NHS: variants seen among roughly 807,000 people sequenced by gnomAD.
NHS encodes NHS actin remodeling regulator.
A neutral mutation model predicts 72.5 loss-of-function variants in NHS; 5 were observed. That is an observed-to-expected ratio of 0.07 (90% confidence interval 0.04 to 0.14). The LOEUF is 0.14. Among genes scored for constraint, NHS ranks in the 10% least tolerant of loss-of-function variants. The pLI is 1.00. For missense variants in NHS, 1,072 were observed against 1,355.7 expected, an observed-to-expected ratio of 0.79 and a Z score of 3.29; for synonymous variants, 464 against 547.7, an observed-to-expected ratio of 0.85 and a Z score of 2.13.
At chrX:17,713,911 T>C (rs2066349779) in intron 3 of NHS, among the ~76,000 whole-genome samples, 1 of 112,161 alleles carries the variant, frequency 8.9e-6, no homozygotes. Flanking sequence ...AGTATAATTC[T>C]GGCTTTTGTT....
intron 1 of NHS, among the ~76,000 whole-genome samples, chrX:17,478,910 T>C (rs1310180731): frequency 8.9e-6 from 1 of 111,853 alleles, no homozygotes; most frequent in African/African-American, 3.3e-5. Context: ...TTTATTTGAA[T>C]TTTTTTAATT....
chrX:17,474,747 A>G (rs1313838546), intron 1 of NHS, among the ~76,000 whole-genome samples: 1 of 111,964 alleles, frequency 8.9e-6, no homozygotes, highest in Admixed American at 9.5e-5. Context: ...TTCCCAGAGC[A>G]GGAAAAAGCT....
intron 3 of NHS, among the ~76,000 whole-genome samples, chrX:17,703,227 G>A (rs1462298142): frequency 8.9e-6 from 1 of 111,797 alleles, no homozygotes. Flanking sequence ...GAGCCCAGGA[G>A]GCAAAGGCTG....
intron 1 of NHS, among the ~76,000 whole-genome samples, chrX:17,482,103 A>G (rs1601725973): frequency 1.8e-5 from 2 of 111,919 alleles, no homozygotes; most frequent in East Asian, 5.6e-4. Context: ...CATTTCTAAA[A>G]TGGGGATACT....
At chrX:17,601,413 G>C (rs1195890335) in intron 1 of NHS, among the ~76,000 whole-genome samples, 1 of 111,701 alleles carries the variant, frequency 9.0e-6, no homozygotes. Context: ...GCCAGAAAAA[G>C]AACATTATTT....
At chrX:17,393,136 T>G (rs916714558) in intron 1 of NHS, among the ~76,000 whole-genome samples, 2 of 112,049 alleles carry the variant, frequency 1.8e-5, no homozygotes, top group East Asian at 5.6e-4. Context: ...GTGAATATTC[T>G]AGTTCCTGTC....
chrX:17,533,263 C>G (rs2065207538), intron 1 of NHS, among the ~76,000 whole-genome samples: 1 of 111,516 alleles, frequency 9.0e-6, no homozygotes, highest in Non-Finnish European at 1.9e-5. Flanking sequence ...TTTCGGCAAC[C>G]TTTTTTTGTA....
intron 1 of NHS, 140 bp from the exon 2 acceptor site, chrX:17,687,602 A>T: frequency 1.3e-6 from 1 of 753,533 alleles, no homozygotes; most frequent in Non-Finnish European, 2.1e-6. Flanking sequence ...TCCGGCCTTG[A>T]GTTAGTTCTT....
At chrX:17,695,944 G>T (rs1472782173) in intron 3 of NHS, among the ~76,000 whole-genome samples, 1 of 82,260 alleles carries the variant, frequency 1.2e-5, no homozygotes, top group Admixed American at 1.2e-4. Context: ...AAAAAAAAAG[G>T]GGGGGGGTAT....
At position 17,727,096 on chromosome X, in the gene NHS, C is replaced by A. The variant is rs772473004; in HGVS notation, c.2990C>A (p.Thr997Asn). ...TCACAATCAGAATCAAGAGCCACCA[C>A]CCCATCTCTTCCTTCTGTTGACAAT... Reference protein sequence around the residue: ...QTSQSESRATTPSLPSVDNEF... With the variant: ...QTSQSESRATNPSLPSVDNEF... Residue 997 changes from threonine (T) to asparagine (N), a missense_variant, in exon 7 of 9, where the codon ACC becomes AAC. Coordinates refer to ENST00000676302, the MANE Select transcript of NHS (RefSeq NM_001291867.2). 8.3e-7 allele frequency: 1 copy of A among 1,212,047 alleles called. No individual in the cohort carries two copies. Among genetic ancestry groups the A allele is most frequent in the Admixed American group, 2.2e-5 (1 of 46,071 alleles).
intron 1 of NHS, among the ~76,000 whole-genome samples, chrX:17,594,605 C>T (rs770104194): frequency 1.2e-4 from 13 of 112,363 alleles, no homozygotes; most frequent in African/African-American, 3.6e-4. Flanking sequence ...TAAGGCAATT[C>T]GGAGGCAGTG....
chrX:17,407,613 G>A (rs954693778), intron 1 of NHS, among the ~76,000 whole-genome samples: 10 of 111,797 alleles, frequency 8.9e-5, no homozygotes, highest in African/African-American at 3.3e-4. Flanking sequence ...ATTCACATTT[G>A]CTTCTGTTAC....
intron 1 of NHS, among the ~76,000 whole-genome samples, chrX:17,395,066 G>A (rs747381097): frequency 9.1e-6 from 1 of 110,253 alleles, no homozygotes; most frequent in Non-Finnish European, 1.9e-5. Flanking sequence ...CACCTCCTCT[G>A]CTCTACCCTG....
chrX:17,684,435 T>G (rs1300166334), intron 1 of NHS, among the ~76,000 whole-genome samples: 1 of 110,790 alleles, frequency 9.0e-6, no homozygotes, highest in Admixed American at 9.6e-5. Context: ...TCAGCTGGGC[T>G]CATCCCATCT....
At chrX:17,494,076 C>CT (rs749475125) in intron 1 of NHS, among the ~76,000 whole-genome samples, 25,656 of 73,247 alleles carry the variant, frequency 0.35, 4,732 homozygotes, top group Non-Finnish European at 0.4. Context: ...TCCTGGATGA[C>CT]TTTTTTTTTT....
intron 1 of NHS, among the ~76,000 whole-genome samples, chrX:17,598,100 C>A (rs1225775433): frequency 1.8e-5 from 2 of 111,658 alleles, no homozygotes; most frequent in African/African-American, 6.5e-5. Flanking sequence ...GCCTGCCCTA[C>A]CCAGCAGGTA....
chrX:17,464,653 G>A (rs1039451011), intron 1 of NHS, among the ~76,000 whole-genome samples: 2 of 112,900 alleles, frequency 1.8e-5, no homozygotes, highest in African/African-American at 6.4e-5. Flanking sequence ...TAGGGTTGGT[G>A]CCAGCAGCCA....
Position 17,375,701 on chromosome X carries a change from C to T in NHS, c.-57C>T. 8.8e-7 allele frequency: 1 copy of T among 1,138,716 alleles called. No individual in the cohort carries two copies. The highest frequency in any genetic ancestry group is 2.6e-5 in the Admixed American group (1 of 38,720). 93.8% of individuals were successfully genotyped at this position (1,138,716 alleles called of 1,213,427 possible). ...CCCTGCTCAGGTGGGCGCGCCCGGT[C>T]TCCAGCTCACAGGGGCGCTTGGAGG... is the stretch of plus-strand genomic sequence containing the variant. On this transcript the variant is annotated 5_prime_UTR_variant, in exon 1 of 9. Transcript: ENST00000676302.
chrX:17,418,155 C>T (rs935759340), intron 1 of NHS, among the ~76,000 whole-genome samples: 2 of 111,977 alleles, frequency 1.8e-5, no homozygotes, highest in Non-Finnish European at 3.8e-5. Flanking sequence ...CCTTGTCCAT[C>T]AAGGACTCTT....
Sources: allele counts gnomAD v4.1 joint callset (sites outside exome capture counted in the v4.1 genomes callset), GRCh38; gene constraint gnomAD v4.1.1; transcripts MANE v1.5; gene names NCBI Gene and HGNC (gene_info 2026-07-23, HGNC 2026-07-21).